MYO1F: variants seen among roughly 807,000 people sequenced by gnomAD.
MYO1F encodes unconventional myosin-If.
A neutral mutation model predicts 146.6 loss-of-function variants in MYO1F; 60 were observed. The ratio of observed to expected loss-of-function variants is 0.41; its 90% CI spans 0.33 to 0.51. The LOEUF (loss-of-function observed/expected upper bound fraction) is 0.51, where lower values mean the gene tolerates loss of function less well. Ranked by LOEUF, MYO1F falls within the 20% of genes least tolerant of loss-of-function variation. The pLI is 0.25. For synonymous variants in MYO1F, 602 were observed against 602.1 expected (o/e 1.00, Z 0.00); for missense variants, 1,274 against 1,534.3 (o/e 0.83, Z 2.83).
At chr19:8,536,170 TC>T in intron 19 of MYO1F, 81 bp downstream of exon 19, 6 of 1,431,954 alleles carry the variant, frequency 4.2e-6, no homozygotes, top group Non-Finnish European at 5.8e-6. Flanking sequence ...TCCCTCTGTC[TC>T]TCTCTCTCTC....
Position 8,552,176 on chromosome 19 carries a change from A to C in MYO1F, c.505-12T>G. On this transcript the variant is annotated splice_polypyrimidine_tract_variant and intron_variant, in intron 6 of 27. Transcript: ENST00000644032. ...TCAAAGTACTTGCCCTGAATCCGAG[A>C]GAACCATGTCAGCACCCCAGTGTCC... 1 of 1,614,010 alleles carries C rather than the reference A, an allele frequency of 6.2e-7. No homozygotes were observed. Among genetic ancestry groups the C allele is most frequent in the Non-Finnish European group, 8.5e-7 (1 of 1,179,982 alleles).
chr19:8,536,221 CCTT>C (rs1972704338), intron 19 of MYO1F, 28 bp downstream of exon 19: 4 of 1,600,716 alleles, frequency 2.5e-6, no homozygotes, highest in Non-Finnish European at 3.4e-6. Context: ...CTTCCCCTCT[CCTT>C]CTCTGCCTGT....
chr19:8,556,978 C>T lies in MYO1F; in HGVS notation c.4-1182G>A, dbSNP rs991574643. ...ATAGGATATTCTGGAAAAGGCAAAA[C>T]TATGAGGACAGTAAAAGATCAGTGG... On this transcript the variant is annotated intron_variant, in intron 1 of 27. Coordinates refer to ENST00000644032, the MANE Select transcript of MYO1F (RefSeq NM_012335.4). Among the ~76,000 whole-genome samples the T allele has an allele frequency of 7.4e-5, 11 of 147,654 alleles. No individual in the cohort carries two copies. In the South Asian group the frequency reaches 2.4e-3, roughly 33 times the overall value.
At chr19:8,553,722 A>ATT (rs879532776) in intron 4 of MYO1F, among the ~76,000 whole-genome samples, 2 of 151,864 alleles carry the variant, frequency 1.3e-5, no homozygotes, top group African/African-American at 4.8e-5. Context: ...AAATACAAAA[A>ATT]TTAGCCGGAC....
chr19:8,547,628 C>T (rs530112645), intron 12 of MYO1F, among the ~76,000 whole-genome samples: 8 of 151,432 alleles, frequency 5.3e-5, no homozygotes, highest in African/African-American at 1.9e-4. Flanking sequence ...AAATCCCTGA[C>T]TTACTTCCTC....
intron 14 of MYO1F, among the ~76,000 whole-genome samples, chr19:8,543,723 G>C (rs1179121687): frequency 4.1e-4 from 5 of 12,124 alleles, no homozygotes; most frequent in East Asian, 2.4e-3. Context: ...GGTGGTGGTG[G>C]TGCTGGTGGT....
rs958457461 is a variant in MYO1F, at chr19:8,533,912, C to T, written c.2043+2340G>A. On this transcript the variant is annotated intron_variant, in intron 19 of 27. Coordinates refer to ENST00000644032, the MANE Select transcript of MYO1F (RefSeq NM_012335.4). ...AGAAAATCAAAATAGGGGCCGGGCG[C>T]GGTGGCTCATGCATATAATCCCAGC... 3.0e-4 allele frequency among the ~76,000 whole-genome samples: 45 copies of T among 152,052 alleles called. 1 individual carries two copies. The highest frequency in any genetic ancestry group is 4.3e-4 in the Non-Finnish European group (29 of 67,978).
rs760465699 is a variant in MYO1F at position 8,545,751 on chromosome 19, G to C, written c.1270-15C>G. 16 of 1,606,308 alleles carry C rather than the reference G, an allele frequency of 1.0e-5. No individual in the cohort carries two copies. Among genetic ancestry groups the C allele is most frequent in the South Asian group, 3.3e-5 (3 of 90,912 alleles). On this transcript the variant is annotated splice_polypyrimidine_tract_variant and intron_variant, in intron 12 of 27. Transcript: ENST00000644032. ...ACATACTCCTCCTGGGGTGGAAAAG[G>C]GGGTGGATGTGGGGGCCAGTGAAAA...
intron 4 of MYO1F, among the ~76,000 whole-genome samples, chr19:8,553,833 C>A (rs1280386596): frequency 6.6e-6 from 1 of 151,162 alleles, no homozygotes. Context: ...GGTTGTGCCA[C>A]TGCACTCCAG....
Position 8,521,441 on chromosome 19 carries a change from G to T in MYO1F, c.*87C>A. 2.1e-6 allele frequency: 3 copies of T among 1,406,624 alleles called. No individual in the cohort carries two copies. Among genetic ancestry groups the T allele is most frequent in the East Asian group, 2.3e-5 (1 of 43,188 alleles). 87.1% of individuals were successfully genotyped at this position (1,406,624 alleles called of 1,614,324 possible). A position where few individuals can be genotyped will look rare whatever the true frequency, so the allele number is the denominator to read the frequency against. On this transcript the variant is annotated 3_prime_UTR_variant, in exon 28 of 28. Transcript: ENST00000644032. ...TTAGGCTATTGCAGCCCAGGTAAAC[G>T]AGGCTCTCATTGGCAGGGCCTGGCT...
intron 21 of MYO1F, among the ~76,000 whole-genome samples, chr19:8,529,616 A>G (rs1165394919): frequency 6.6e-6 from 1 of 151,582 alleles, no homozygotes; most frequent in African/African-American, 2.4e-5. Flanking sequence ...TTGAAGGTAG[A>G]GTGTACCTAA....
intron 8 of MYO1F, 138 bp from the exon 9 acceptor site, chr19:8,550,832 G>A: frequency 9.0e-7 from 1 of 1,116,194 alleles, no homozygotes; most frequent in Non-Finnish European, 1.3e-6. Context: ...TCAGTCACTT[G>A]CCGCGTGACC....
At position 8,577,078 on chromosome 19, in the gene MYO1F, T is replaced by C. The variant is rs2042251269; in HGVS notation, c.3+229A>G. 3 of 632,318 alleles carry C rather than the reference T, an allele frequency of 4.7e-6. No homozygotes were observed. The highest frequency in any genetic ancestry group is 8.5e-6 in the Non-Finnish European group (3 of 352,616). 39.2% of individuals were successfully genotyped at this position (632,318 alleles called of 1,614,324 possible). A position where few individuals can be genotyped will look rare whatever the true frequency, so the allele number is the denominator to read the frequency against. On this transcript the variant is annotated intron_variant, in intron 1 of 27. Transcript: ENST00000644032. The surrounding 1 kb of genome is among the most constrained non-coding windows in gnomAD (Gnocchi z 4.3). ...CTGTCTTCCAGGTCCTGCCCTATCC[T>C]TGGATCCAGGGATACCACCCTGGCA...
Position 8,522,619 on chromosome 19 carries a change from T to C in MYO1F, c.3050+15A>G. Reference sequence around the variant, plus strand: ...CCCTGCCCACCTCCTGGAGCTGCCCTCCCACCCCACCTACCCGGCCATGCC... The same window carrying C: ...CCCTGCCCACCTCCTGGAGCTGCCCCCCCACCCCACCTACCCGGCCATGCC... On this transcript the variant is annotated intron_variant, in intron 26 of 27. Coordinates refer to ENST00000644032, the MANE Select transcript of MYO1F (RefSeq NM_012335.4). 1 of 1,603,830 alleles carries C rather than the reference T, an allele frequency of 6.2e-7. No homozygotes were observed. The highest frequency in any genetic ancestry group is 8.5e-7 in the Non-Finnish European group (1 of 1,173,838).
At chr19:8,569,747 G>A (rs907135235) in intron 1 of MYO1F, among the ~76,000 whole-genome samples, 25 of 152,156 alleles carry the variant, frequency 1.6e-4, no homozygotes, top group Admixed American at 6.6e-5. Flanking sequence ...GGCTGCAAGA[G>A]ACATCAGCCA....
intron 1 of MYO1F, among the ~76,000 whole-genome samples, chr19:8,559,336 TG>T (rs1156978401): frequency 4.6e-5 from 1 of 21,846 alleles, no homozygotes; most frequent in African/African-American, 8.6e-5. Context: ...CTTGAGGGGG[TG>T]GGGGGTGGGG....
chr19:8,526,537 G>A lies in MYO1F; in HGVS notation c.2686C>T (p.Arg896Cys), dbSNP rs1271488358. The change falls in exon 24 of 28, where the codon CGC (arginine) becomes TGC (cysteine). Residue 896 changes from arginine (R) to cysteine (C), a missense_variant. Physicochemically the swap from Arg to Cys is radical, Grantham distance 180. Coordinates refer to ENST00000644032, the MANE Select transcript of MYO1F (RefSeq NM_012335.4). The part of the protein sequence containing the change: ...GGGTRSVTFS[R>C]GFGDLAVLKV... ...AGCACTGCCAAGTCGCCGAAGCCGC[G>A]GGAGAAGGTGACGCTGCGGGTGCCG... 6 of 1,592,924 alleles carry A rather than the reference G, an allele frequency of 3.8e-6. No individual in the cohort carries two copies. Among genetic ancestry groups the A allele is most frequent in the African/African-American group, 2.7e-5 (2 of 74,854 alleles).
chr19:8,539,141 G>A (rs985268047), intron 16 of MYO1F, among the ~76,000 whole-genome samples: 8 of 151,352 alleles, frequency 5.3e-5, no homozygotes, highest in Non-Finnish European at 1.0e-4. Flanking sequence ...TAGGCCGAGC[G>A]CGGTGGCTCA....
intron 10 of MYO1F, chr19:8,549,674 G>T (rs971676445): frequency 9.2e-5 from 16 of 174,410 alleles, no homozygotes; most frequent in African/African-American, 3.6e-4. Context: ...CACCACTCCC[G>T]GGTAATTTTT....
Sources: allele counts gnomAD v4.1 joint callset (sites outside exome capture counted in the v4.1 genomes callset), GRCh38; gene constraint gnomAD v4.1.1; non-coding constraint Gnocchi (gnomAD v3.1); transcripts MANE v1.5; gene names NCBI Gene and HGNC (gene_info 2026-07-23, HGNC 2026-07-21).